Variants in SLC25A37 observed in about 807,000 individuals in gnomAD.
The protein encoded by SLC25A37 is solute carrier family 25 member 37.
A neutral mutation model predicts 31.0 loss-of-function variants in SLC25A37; 17 were observed. That is an observed-to-expected ratio of 0.55 (90% CI 0.38 to 0.82). The LOEUF (loss-of-function observed/expected upper bound fraction) is 0.82. Ranked by LOEUF, SLC25A37 falls within the 40% of genes least tolerant of loss-of-function variation. SLC25A37 has a pLI of 0.00. For missense variants in SLC25A37, 404 were observed against 465.8 expected (o/e 0.87, Z 1.22); for synonymous variants, 222 against 193.0 (o/e 1.15, Z -1.24).
At chr8:23,560,273 AT>A (rs1360924907) in intron 1 of SLC25A37, among the ~76,000 whole-genome samples, 1 of 152,200 alleles carries the variant, frequency 6.6e-6, no homozygotes, top group Non-Finnish European at 1.5e-5. Flanking sequence ...TCTTAAAAAA[AT>A]AAAAATAAAA....
chr8:23,575,177 A>G lies in SLC25A37; in HGVS notation c.*3322A>G, dbSNP rs543403401. The G allele has an allele frequency of 6.6e-6, 1 of 152,292 alleles. No homozygotes were observed. Among genetic ancestry groups the G allele is most frequent in the Non-Finnish European group, 1.5e-5 (1 of 68,018 alleles). 9.4% of individuals were successfully genotyped at this position (152,292 alleles called of 1,614,324 possible). On this transcript the variant is annotated 3_prime_UTR_variant, in exon 4 of 4. Coordinates refer to ENST00000519973, the MANE Select transcript of SLC25A37 (RefSeq NM_016612.4). ...AAAGCTGCATCTCCAACACATTGTT[A>G]TGCCAATAAGGTTTTATTTAACTTT...
chr8:23,528,977 C>T lies in SLC25A37; in HGVS notation c.-26C>T, dbSNP rs1265492321. On this transcript the variant is annotated 5_prime_UTR_variant, in exon 1 of 4. Transcript: ENST00000519973. ...CCCCCTCCCTGCCCACCTCCTGCAG[C>T]CTCCTGCGCCCCGCCGAGCTGGCGG... 11 of 1,452,018 alleles carry T rather than the reference C, an allele frequency of 7.6e-6. No individual in the cohort carries two copies. The highest frequency in any genetic ancestry group is 4.1e-5 in the South Asian group (3 of 72,818). The allele number at this position is 1,452,018 out of a possible 1,614,324, so 89.9% of individuals were successfully genotyped here. A position where few individuals can be genotyped will look rare whatever the true frequency, so the allele number is the denominator to read the frequency against.
rs1446199959 is a variant in SLC25A37, at chr8:23,573,828, C to A, written c.*1973C>A. ...TAACGCCTTCTCCCTGCTCTGCCCC[C>A]CACTCCCCAAAACCAGTTGCAGCCT... On this transcript the variant is annotated 3_prime_UTR_variant, in exon 4 of 4. Coordinates refer to ENST00000519973, the MANE Select transcript of SLC25A37 (RefSeq NM_016612.4). 6.6e-6 allele frequency: 3 copies of A among 456,628 alleles called. No individual in the cohort carries two copies. The highest frequency in any genetic ancestry group is 2.0e-5 in the African/African-American group (1 of 50,088). 28.3% of individuals were successfully genotyped at this position (456,628 alleles called of 1,614,324 possible).
intron 1 of SLC25A37, among the ~76,000 whole-genome samples, chr8:23,555,014 A>G (rs1273312585): frequency 6.6e-6 from 1 of 152,152 alleles, no homozygotes; most frequent in Non-Finnish European, 1.5e-5. Flanking sequence ...TGCATGGTCT[A>G]GCCCCACCCT....
intron 1 of SLC25A37, among the ~76,000 whole-genome samples, chr8:23,533,262 G>C (rs1464296577): frequency 6.6e-6 from 1 of 152,188 alleles, no homozygotes; most frequent in Non-Finnish European, 1.5e-5. Context: ...GCTGGAGCGT[G>C]GTTTGGAGGC....
intron 1 of SLC25A37, among the ~76,000 whole-genome samples, chr8:23,539,951 T>C (rs953291686): frequency 5.3e-5 from 8 of 152,256 alleles, no homozygotes; most frequent in African/African-American, 1.9e-4. Context: ...TGAGAATTAA[T>C]TGAGATGATA....
At position 23,572,566 on chromosome 8, in the gene SLC25A37, G is replaced by A. The variant is rs1299955807; in HGVS notation, c.*711G>A. 2.6e-5 allele frequency: 4 copies of A among 152,066 alleles called. No individual in the cohort carries two copies. Among genetic ancestry groups the A allele is most frequent in the Non-Finnish European group, 5.9e-5 (4 of 67,922 alleles). 9.4% of individuals were successfully genotyped at this position (152,066 alleles called of 1,614,324 possible). A position where few individuals can be genotyped will look rare whatever the true frequency, so the allele number is the denominator to read the frequency against. ...ATATTTTGAATTTCTCTTTTCATGGGGGAAAAAAGGTACGTTAAAAAAATC... is the reference window on the plus strand; with the variant it reads ...ATATTTTGAATTTCTCTTTTCATGGAGGAAAAAAGGTACGTTAAAAAAATC... On this transcript the variant is annotated 3_prime_UTR_variant, in exon 4 of 4. Coordinates refer to ENST00000519973, the MANE Select transcript of SLC25A37 (RefSeq NM_016612.4).
chr8:23,566,250 A>G lies in SLC25A37; in HGVS notation c.353A>G (p.His118Arg), dbSNP rs772390974. Reference protein sequence around the residue: ...NVMIMGAGPAHAMYFACYENM... With the variant: ...NVMIMGAGPARAMYFACYENM... ...ATGATCATGGGTGCAGGGCCGGCCC[A>G]TGCCATGTATTTTGCCTGCTATGAA... The change falls in exon 2 of 4, where the codon CAT becomes CGT. Residue 118 changes from histidine (H) to arginine (R), a missense_variant. His to Arg is a conservative substitution (Grantham distance 29, BLOSUM62 0). This residue lies in a region of SLC25A37 where 7 missense variants were observed against 27.8 expected (regional missense o/e 0.25). Coordinates refer to ENST00000519973, the MANE Select transcript of SLC25A37 (RefSeq NM_016612.4). 1 of 1,598,650 alleles carries G rather than the reference A, an allele frequency of 6.3e-7. No individual in the cohort carries two copies. The highest frequency in any genetic ancestry group is 8.5e-7 in the Non-Finnish European group (1 of 1,175,052).
intron 1 of SLC25A37, among the ~76,000 whole-genome samples, chr8:23,561,514 T>G (rs2117443855): frequency 6.6e-6 from 1 of 152,344 alleles, no homozygotes; most frequent in African/African-American, 2.4e-5. Flanking sequence ...GGGCGATTAT[T>G]CCAGCCAAGG....
chr8:23,539,317 T>C (rs7842120), intron 1 of SLC25A37, among the ~76,000 whole-genome samples: 57,334 of 151,984 alleles, frequency 0.38, 12,565 homozygotes, highest in East Asian at 0.62. Flanking sequence ...CTGGATCCAT[T>C]AGATCCATCC....
At chr8:23,570,337 C>T (rs1408391429) in intron 3 of SLC25A37, among the ~76,000 whole-genome samples, 1 of 132,888 alleles carries the variant, frequency 7.5e-6, no homozygotes, top group Non-Finnish European at 1.5e-5. Flanking sequence ...GCCTTCATGG[C>T]TTGTCCTGTA....
chr8:23,532,603 CGGGG>C (rs1801683276), intron 1 of SLC25A37, among the ~76,000 whole-genome samples: 1 of 152,148 alleles, frequency 6.6e-6, no homozygotes, highest in South Asian at 2.1e-4. Context: ...GATTTGAAGC[CGGGG>C]GACTTCCGCT....
chr8:23,556,312 C>T, intron 1 of SLC25A37, among the ~76,000 whole-genome samples: 1 of 150,980 alleles, frequency 6.6e-6, no homozygotes. Context: ...CCTCAGTCTC[C>T]TGGGCTCAAG....
chr8:23,566,626 GTTTGT>G (rs1802668781), intron 2 of SLC25A37: 1 of 1,096,534 alleles, frequency 9.1e-7, no homozygotes, highest in East Asian at 6.2e-5. Flanking sequence ...ATTTTTTTTT[GTTTGT>G]TTTGTTTTTA....
At chr8:23,548,627 C>T (rs1802137047) in intron 1 of SLC25A37, among the ~76,000 whole-genome samples, 1 of 152,072 alleles carries the variant, frequency 6.6e-6, no homozygotes, top group African/African-American at 2.4e-5. Flanking sequence ...TACACCACCA[C>T]ACCCGGCTGA....
chr8:23,534,640 C>T (rs1248769589), intron 1 of SLC25A37, among the ~76,000 whole-genome samples: 1 of 152,156 alleles, frequency 6.6e-6, no homozygotes, highest in East Asian at 1.9e-4. Flanking sequence ...CCCTTGAGTC[C>T]AAATCCCTGG....
At chr8:23,568,561 A>G (rs1214082655) in intron 3 of SLC25A37, 183 bp downstream of exon 3, 3 of 661,002 alleles carry the variant, frequency 4.5e-6, no homozygotes, top group Non-Finnish European at 7.9e-6. Context: ...CGTGAACATA[A>G]GAGTTTTTGG....
intron 2 of SLC25A37, chr8:23,567,518 CT>C (rs1487680268): frequency 6.5e-6 from 1 of 152,946 alleles, no homozygotes; most frequent in Admixed American, 6.5e-5. Flanking sequence ...GGTGATCTTG[CT>C]GGGAATGATT....
At chr8:23,536,000 T>A (rs1039820352) in intron 1 of SLC25A37, among the ~76,000 whole-genome samples, 3 of 152,110 alleles carry the variant, frequency 2.0e-5, no homozygotes, top group Admixed American at 2.0e-4. Context: ...AAGAGCTATT[T>A]TATAGGGTTG....
Sources: gnomAD v4.1 joint callset for allele counts (sites outside exome capture counted in the v4.1 genomes callset) on GRCh38, gnomAD v4.1.1 for gene constraint, gnomAD v4.1.1 regional missense constraint, MANE v1.5 for transcripts, NCBI Gene and HGNC (gene_info 2026-07-23, HGNC 2026-07-21) for gene names.